The following BTBD16 variants were observed in gnomAD, a reference collection of about 807,000 sequenced individuals.
The protein encoded by BTBD16 is BTB/POZ domain-containing protein 16.
In BTBD16, 66 loss-of-function variants were observed where a neutral mutation model predicts 67.4. That is an observed-to-expected ratio of 0.98 (90% CI 0.80 to 1.20). The LOEUF (loss-of-function observed/expected upper bound fraction) is 1.20. Among genes scored for constraint, BTBD16 ranks in the 50% most tolerant of loss-of-function variants. The pLI, the probability that BTBD16 is intolerant of heterozygous loss-of-function variation, is 0.00. For missense variants in BTBD16, 634 were observed against 616.0 expected (o/e 1.03, Z -0.31); for synonymous variants, 242 against 236.4 (o/e 1.02, Z -0.22).
In BTBD16 at chr10:122,291,148, G is replaced by C. The variant is rs369288423; in HGVS notation, c.544G>C (p.Val182Leu). Residue 182 changes from valine to leucine, a missense_variant, in exon 7 of 16, where the codon GTG (valine) becomes CTG (leucine). Physicochemically the swap from Val to Leu is conservative, Grantham distance 32 (BLOSUM62 1). Transcript: ENST00000260723. ...VEINLEDLLG[V>L]LASAHILQFS... Reference sequence around the variant, plus strand: ...GATTAACTTGGAAGACCTACTGGGAGTGCTGGCTTCCGCCCACATCCTCCA... The same window carrying C: ...GATTAACTTGGAAGACCTACTGGGACTGCTGGCTTCCGCCCACATCCTCCA... 1.9e-6 allele frequency: 3 copies of C among 1,613,804 alleles called. No homozygotes were observed. The African/African-American group carries it at 4.0e-5, about 22-fold the overall frequency.
At chr10:122,320,370 T>C (rs2096433367) in intron 10 of BTBD16, among the ~76,000 whole-genome samples, 1 of 152,112 alleles carries the variant, frequency 6.6e-6, no homozygotes, top group South Asian at 2.1e-4. Flanking sequence ...GGAGGTTCCT[T>C]TTATATCTAG....
chr10:122,291,242 C>A, intron 7 of BTBD16, 48 bp downstream of exon 7: 1 of 1,579,860 alleles, frequency 6.3e-7, no homozygotes, highest in South Asian at 1.2e-5. Flanking sequence ...TGGGGGAAAT[C>A]GGAAGGGCAA....
At chr10:122,290,075 C>A in intron 6 of BTBD16, 77 bp downstream of exon 6, 1 of 1,028,568 alleles carries the variant, frequency 9.7e-7, no homozygotes, top group South Asian at 1.4e-5. Context: ...GCACAAGCAA[C>A]AACAAAGCAA....
At position 122,336,524 on chromosome 10, in the gene BTBD16, T is replaced by C. The variant is rs1313271551; in HGVS notation, c.1294T>C (p.Ser432Pro). 68 of 1,611,128 alleles carry C rather than the reference T, an allele frequency of 4.2e-5. No homozygotes were observed. The highest frequency in any genetic ancestry group is 5.3e-5 in the Non-Finnish European group (63 of 1,178,606). ...RIKHTDLESPSAVYEHNHVSL... is the reference protein window; with the variant it reads ...RIKHTDLESPPAVYEHNHVSL... ...AAAGCACACAGACCTGGAATCTCCC[T>C]CTGCGGTCTACGAGCACAACCACGT... The change falls in exon 15 of 16, where the codon TCT becomes CCT. Residue 432 changes from serine (S) to proline (P), a missense_variant. Coordinates refer to ENST00000260723, the MANE Select transcript of BTBD16 (RefSeq NM_144587.5).
chr10:122,299,743 G>A (rs983570276), intron 9 of BTBD16, among the ~76,000 whole-genome samples: 4 of 152,028 alleles, frequency 2.6e-5, no homozygotes, highest in African/African-American at 9.7e-5. Context: ...CAAGTCCAGC[G>A]CTATGGGCCT....
intron 9 of BTBD16, among the ~76,000 whole-genome samples, chr10:122,304,773 T>C (rs1230459309): frequency 1.3e-5 from 2 of 152,126 alleles, no homozygotes; most frequent in Non-Finnish European, 2.9e-5. Flanking sequence ...CAAGATGGTC[T>C]TGATCTCCTG....
chr10:122,336,597 C>T lies in BTBD16; in HGVS notation c.1367C>T (p.Ala456Val). The T allele has an allele frequency of 6.2e-7, 1 of 1,612,984 alleles. No homozygotes were observed. The highest frequency in any genetic ancestry group is 1.1e-5 in the South Asian group (1 of 90,812). Residue 456 changes from alanine (A) to valine (V), a missense_variant, in exon 15 of 16, where the codon GCC becomes GTC. Coordinates refer to ENST00000260723, the MANE Select transcript of BTBD16 (RefSeq NM_144587.5). ...RLVKYEIRAE[A>V]LVDGKWQEFR... ...GTGAAGTATGAGATCAGAGCAGAGG[C>T]CCTGGTTGACGGCAAGTGGCAGGAG...
At chr10:122,335,093 T>C in intron 14 of BTBD16, 114 bp downstream of exon 14, 1 of 609,864 alleles carries the variant, frequency 1.6e-6, no homozygotes, top group Non-Finnish European at 2.8e-6. Context: ...TGACATGAAA[T>C]GTATTGTAAG....
In BTBD16 at chr10:122,307,125, C is replaced by G. The variant is rs1056371898; in HGVS notation, c.792-64C>G. The G allele has an allele frequency of 4.6e-6, 7 of 1,535,486 alleles. No homozygotes were observed. The African/African-American group carries it at 9.8e-5, about 21-fold the overall frequency. On this transcript the variant is annotated intron_variant, in intron 9 of 15. Transcript: ENST00000260723. ...TTCCCAAACTCATTCTAACCAGCTT[C>G]TTACAAGCAGCGTGATTTTGTGCTA...
intron 5 of BTBD16, chr10:122,287,415 A>G (rs1405421982): frequency 2.0e-6 from 2 of 985,242 alleles, no homozygotes; most frequent in Non-Finnish European, 2.4e-6. Context: ...CTAAAATGAA[A>G]ACATTTAGCC....
chr10:122,332,341 G>T lies in BTBD16; in HGVS notation c.1087-95G>T, dbSNP rs2096456412. The T allele has an allele frequency of 4.8e-6, 5 of 1,044,974 alleles. No homozygotes were observed. The Admixed American group carries it at 1.1e-4, about 24-fold the overall frequency. 64.7% of individuals were successfully genotyped at this position (1,044,974 alleles called of 1,614,324 possible). ...CAAAACTCTTTTTCAAACCTGGTGA[G>T]GGGGGCAGGGGTCAAGGAAGAGGCA... On this transcript the variant is annotated intron_variant, in intron 12 of 15. Coordinates refer to ENST00000260723, the MANE Select transcript of BTBD16 (RefSeq NM_144587.5).
intron 10 of BTBD16, among the ~76,000 whole-genome samples, chr10:122,311,968 T>C (rs963488150): frequency 1.3e-5 from 2 of 152,258 alleles, no homozygotes; most frequent in African/African-American, 4.8e-5. Flanking sequence ...CATGTAGCAA[T>C]AGCTTGTTCA....
Position 122,317,732 on chromosome 10 carries a change from G to C in BTBD16, c.911+10424G>C, listed in dbSNP as rs542450959. ...CACGTATTAGCCTAGGTCCACACAG[G>C]GTCAGGACCATCAATGTCACTATCT... On this transcript the variant is annotated intron_variant, in intron 10 of 15. Transcript: ENST00000260723. Among the ~76,000 whole-genome samples the C allele has an allele frequency of 3.3e-5, 5 of 152,132 alleles. No homozygotes were observed. In the East Asian group the frequency reaches 9.7e-4, roughly 29 times the overall value.
intron 2 of BTBD16, among the ~76,000 whole-genome samples, chr10:122,275,340 A>C (rs1234408191): frequency 6.6e-6 from 1 of 152,086 alleles, no homozygotes; most frequent in Admixed American, 6.6e-5. Context: ...CTACATCTAG[A>C]CTCAGATTCC....
chr10:122,275,198 C>A, intron 2 of BTBD16, 99 bp downstream of exon 2: 2 of 1,166,498 alleles, frequency 1.7e-6, no homozygotes, highest in Admixed American at 1.8e-5. Flanking sequence ...TCTGCACCAC[C>A]GAGGACCTCA....
intron 10 of BTBD16, among the ~76,000 whole-genome samples, chr10:122,310,542 A>G (rs185126558): frequency 3.0e-4 from 45 of 152,242 alleles, no homozygotes; most frequent in Non-Finnish European, 1.3e-4. Flanking sequence ...TACAAAGTTC[A>G]AAGGGGCAAA....
intron 10 of BTBD16, among the ~76,000 whole-genome samples, chr10:122,317,893 A>G (rs2096428775): frequency 6.6e-6 from 1 of 152,110 alleles, no homozygotes; most frequent in South Asian, 2.1e-4. Context: ...TTTTTTTTAT[A>G]AGTAGAAGGA....
intron 1 of BTBD16, among the ~76,000 whole-genome samples, chr10:122,271,829 C>A (rs901501065): frequency 3.3e-5 from 5 of 152,180 alleles, no homozygotes; most frequent in African/African-American, 4.8e-5. Context: ...TAAAAAAGTT[C>A]TTAGATATTG....
chr10:122,291,260 C>A, intron 7 of BTBD16, 66 bp downstream of exon 7: 2 of 1,545,288 alleles, frequency 1.3e-6, no homozygotes, highest in Non-Finnish European at 1.7e-6. Context: ...CAATTCCTGG[C>A]CCATTTGCTG....
Sources: gnomAD v4.1 joint callset for allele counts (sites outside exome capture counted in the v4.1 genomes callset) on GRCh38, gnomAD v4.1.1 for gene constraint, MANE v1.5 for transcripts, NCBI Gene and HGNC (gene_info 2026-07-23, HGNC 2026-07-21) for gene names.